PALM2AKAP2: variants seen among roughly 807,000 people sequenced by gnomAD.
PALM2AKAP2 encodes the protein PALM2 and AKAP2 fusion.
Under a neutral mutation model 71.5 loss-of-function variants are expected in PALM2AKAP2, and 37 were observed. The observed-to-expected ratio is 0.52, with a 90% confidence interval of 0.40 to 0.68. PALM2AKAP2 has a LOEUF of 0.68. Ranked by LOEUF, PALM2AKAP2 falls within the 30% of genes least tolerant of loss-of-function variation. The probability of loss-of-function intolerance (pLI) is 0.00; values close to 1 mark genes in which losing one functional copy is unlikely to be tolerated. For missense variants in PALM2AKAP2, 1,224 were observed against 1,191.8 expected, an observed-to-expected ratio of 1.03 and a Z score of -0.40; for synonymous variants, 468 against 478.8, an observed-to-expected ratio of 0.98 and a Z score of 0.29.
chr9:110,091,456 A>ATTTTT (rs1194438639), intron 1 of PALM2AKAP2, among the ~76,000 whole-genome samples: 14 of 67,408 alleles, frequency 2.1e-4, no homozygotes, highest in South Asian at 4.5e-4. Flanking sequence ...TTTGAGATTT[A>ATTTTT]TTCTTTTTTT....
chr9:109,968,742 T>G (rs1832004839), intron 6 of PALM2AKAP2, among the ~76,000 whole-genome samples: 1 of 152,076 alleles, frequency 6.6e-6, no homozygotes, highest in African/African-American at 2.4e-5. Flanking sequence ...GCCGCGATTT[T>G]CAGCGCGATT....
intron 3 of PALM2AKAP2, 25 bp from the exon 10 acceptor site, chr9:110,162,069 C>T (rs914341908): frequency 6.2e-7 from 1 of 1,613,774 alleles, no homozygotes; most frequent in Admixed American, 1.7e-5. Flanking sequence ...CATGTACTAA[C>T]CCTGGTCTTT....
chr9:110,064,350 C>T (rs576570191), intron 1 of PALM2AKAP2, among the ~76,000 whole-genome samples: 12 of 152,280 alleles, frequency 7.9e-5, no homozygotes, highest in South Asian at 4.1e-4. Context: ...CTTCCCAAGA[C>T]GGAAGTGCCT....
intron 1 of PALM2AKAP2, among the ~76,000 whole-genome samples, chr9:110,068,553 AG>A (rs1834136474): frequency 7.1e-6 from 1 of 140,390 alleles, no homozygotes; most frequent in Admixed American, 6.9e-5. Context: ...TTTTTGAGAC[AG>A]GGTCTCCTTC....
At chr9:110,016,095 C>A in intron 7 of PALM2AKAP2, 56 bp downstream of exon 7, 1 of 1,552,472 alleles carries the variant, frequency 6.4e-7, no homozygotes, top group Non-Finnish European at 8.8e-7. Flanking sequence ...TAAAGGCAGC[C>A]GATGGCAGGT....
At chr9:109,746,839 G>A (rs1443913292) in intron 1 of PALM2AKAP2, among the ~76,000 whole-genome samples, 1 of 152,226 alleles carries the variant, frequency 6.6e-6, no homozygotes, top group Non-Finnish European at 1.5e-5. Context: ...GTGGCTAGAT[G>A]TGGCTTCTAG....
At chr9:110,056,439 A>T (rs1439648492) in intron 1 of PALM2AKAP2, among the ~76,000 whole-genome samples, 1 of 152,254 alleles carries the variant, frequency 6.6e-6, no homozygotes, top group African/African-American at 2.4e-5. Flanking sequence ...AATAAATCTT[A>T]GTTAATATTC....
intron 1 of PALM2AKAP2, among the ~76,000 whole-genome samples, chr9:109,735,769 G>C (rs1177730015): frequency 1.3e-5 from 2 of 152,140 alleles, no homozygotes; most frequent in African/African-American, 4.8e-5. Flanking sequence ...AGGCATTAAT[G>C]GTAGGTCTGC....
chr9:109,725,206 A>G (rs1828458685), intron 1 of PALM2AKAP2, among the ~76,000 whole-genome samples: 1 of 152,192 alleles, frequency 6.6e-6, no homozygotes, highest in African/African-American at 2.4e-5. Context: ...CAAGCCAACA[A>G]TATTGGAGCT....
intron 1 of PALM2AKAP2, among the ~76,000 whole-genome samples, chr9:110,049,327 G>A (rs1029829378): frequency 6.6e-6 from 1 of 152,168 alleles, no homozygotes; most frequent in Non-Finnish European, 1.5e-5. Flanking sequence ...AGAGCCGGGG[G>A]CATTTTCGCA....
At chr9:109,666,776 A>G in intron 1 of PALM2AKAP2, among the ~76,000 whole-genome samples, 1 of 152,252 alleles carries the variant, frequency 6.6e-6, no homozygotes, top group East Asian at 1.9e-4. Flanking sequence ...GAGGAAAAAA[A>G]CATAGCAAAA....
At chr9:109,676,554 C>G (rs1162562938) in intron 1 of PALM2AKAP2, among the ~76,000 whole-genome samples, 3 of 152,134 alleles carry the variant, frequency 2.0e-5, no homozygotes, top group African/African-American at 7.2e-5. Context: ...TTGGTAGGAA[C>G]TTGGCCAGTT....
intron 3 of PALM2AKAP2, among the ~76,000 whole-genome samples, chr9:110,165,358 ATTCAAATACCTTGATT>A (rs1836710513): frequency 1.3e-5 from 2 of 151,978 alleles, no homozygotes; most frequent in African/African-American, 4.8e-5. Context: ...ACAGATACTC[ATTCAAATACCTTGATT>A]TTTGAATCTT....
At chr9:110,117,330 G>T (rs1366870028) in intron 1 of PALM2AKAP2, among the ~76,000 whole-genome samples, 1 of 152,096 alleles carries the variant, frequency 6.6e-6, no homozygotes, top group Non-Finnish European at 1.5e-5. Flanking sequence ...CCACTATGTT[G>T]CCCAGGCTGG....
In PALM2AKAP2 at chr9:109,923,718, G is replaced by C. The variant is rs999078144; in HGVS notation, c.258-17G>C. 3 of 1,579,810 alleles carry C rather than the reference G, an allele frequency of 1.9e-6. No homozygotes were observed. Among genetic ancestry groups the C allele is most frequent in the Admixed American group, 3.8e-5 (2 of 52,688 alleles). On this transcript the variant is annotated splice_polypyrimidine_tract_variant and intron_variant, in intron 3 of 9. Coordinates refer to the PALM2AKAP2 transcript ENST00000302798. Reference sequence around the variant, plus strand: ...AGGACAATAAAGTAACTTGTCCTTTGTTTGTGTGTTTTCCAGGCTGGAGCA... The same window carrying C: ...AGGACAATAAAGTAACTTGTCCTTTCTTTGTGTGTTTTCCAGGCTGGAGCA...
rs191439668 is a variant in PALM2AKAP2 at position 109,668,235 on chromosome 9, C to T, written c.5+27369C>T. Among the ~76,000 whole-genome samples the T allele has an allele frequency of 9.7e-5, 2 of 20,676 alleles. 1 individual carries two copies. The highest frequency in any genetic ancestry group is 1.8e-4 in the Non-Finnish European group (2 of 11,184). The allele number at this position is 20,676 out of a possible 152,430, so 13.6% of individuals were successfully genotyped here. On this transcript the variant is annotated intron_variant, in intron 1 of 6. Transcript: ENST00000374531. ...ACAGGCGTGAGCCACCGCGCCCGGC[C>T]GGCTTTGGTTTTAAAGTAATTGAGC...
rs761959608 is a variant in PALM2AKAP2 at position 109,820,401 on chromosome 9, C to T, written c.45+39868C>T. 2.0e-5 allele frequency among the ~76,000 whole-genome samples: 3 copies of T among 152,296 alleles called. No individual in the cohort carries two copies. The East Asian group carries it at 5.8e-4, about 29-fold the overall frequency. The stretch of plus-strand genomic sequence containing the variant: ...CTGGGATGCTCCAGTGGTGAGATGC[C>T]GTCACCTCAGTCCATTGTGTTAGTT... On this transcript the variant is annotated intron_variant, in intron 1 of 9. Coordinates refer to the PALM2AKAP2 transcript ENST00000302798.
intron 3 of PALM2AKAP2, among the ~76,000 whole-genome samples, chr9:109,913,615 T>C (rs184211102): frequency 0.016 from 2,504 of 152,278 alleles, 34 homozygotes; most frequent in Middle Eastern, 0.041. Flanking sequence ...TTAGCTGTGA[T>C]CCCTAATTCT....
intron 1 of PALM2AKAP2, among the ~76,000 whole-genome samples, chr9:109,672,772 C>T (rs967500863): frequency 6.6e-6 from 1 of 152,082 alleles, no homozygotes; most frequent in African/African-American, 2.4e-5. Flanking sequence ...ATTACTGCCT[C>T]AATTTCAGAG....
Sources: allele counts gnomAD v4.1 joint callset (sites outside exome capture counted in the v4.1 genomes callset), GRCh38; gene constraint gnomAD v4.1.1; transcripts MANE v1.5; gene names NCBI Gene and HGNC (gene_info 2026-07-23, HGNC 2026-07-21).